Variants in NDUFA5 observed in about 807,000 individuals in gnomAD.
NDUFA5 encodes the protein NADH:ubiquinone oxidoreductase subunit A5.
Under a neutral mutation model 19.8 loss-of-function variants are expected in NDUFA5, and 11 were observed. The observed-to-expected ratio is 0.56, with a 90% CI of 0.35 to 0.92. The LOEUF (loss-of-function observed/expected upper bound fraction) is 0.92. NDUFA5 is among the 40% of genes least tolerant of loss of function. The probability of loss-of-function intolerance (pLI) is 0.01; values close to 1 mark genes in which losing one functional copy is unlikely to be tolerated. For synonymous variants in NDUFA5, 47 were observed against 46.8 expected (o/e 1.00, Z -0.01); for missense variants, 109 against 134.2 (o/e 0.81, Z 0.93).
At chr7:123,587,472 A>G in the NDUFA5 span, among the ~76,000 whole-genome samples, 1 of 150,886 alleles carries the variant, frequency 6.6e-6, no homozygotes, top group African/African-American at 2.4e-5. Context: ...TTTTTTATAC[A>G]TGGTATTATG....
the NDUFA5 span, among the ~76,000 whole-genome samples, chr7:123,586,369 T>C: frequency 6.6e-6 from 1 of 151,882 alleles, no homozygotes; most frequent in Non-Finnish European, 1.5e-5. Context: ...GACACTTGTA[T>C]ATCTTCTTTA....
chr7:123,560,957 T>C (rs1469799391), upstream of NDUFA5, among the ~76,000 whole-genome samples: 2 of 152,224 alleles, frequency 1.3e-5, no homozygotes, highest in African/African-American at 4.8e-5. Flanking sequence ...CTATTTACCA[T>C]AGCATCAAAA....
At chr7:123,567,810 C>T in the NDUFA5 span, among the ~76,000 whole-genome samples, 1 of 151,574 alleles carries the variant, frequency 6.6e-6, no homozygotes, top group Non-Finnish European at 1.5e-5. Context: ...CTCTCTCAAC[C>T]TTGGAAAGAA....
the NDUFA5 span, among the ~76,000 whole-genome samples, chr7:123,576,606 G>A: frequency 1.4e-4 from 21 of 152,102 alleles, no homozygotes; most frequent in African/African-American, 4.8e-4. Flanking sequence ...GATTCTCTGT[G>A]TAGCTCCACA....
At chr7:123,601,615 T>A in the NDUFA5 span, among the ~76,000 whole-genome samples, 1 of 152,196 alleles carries the variant, frequency 6.6e-6, no homozygotes. Flanking sequence ...TCCCTGCAGC[T>A]GAATTGGCAG....
At chr7:123,570,435 G>A in the NDUFA5 span, among the ~76,000 whole-genome samples, 1 of 151,944 alleles carries the variant, frequency 6.6e-6, no homozygotes, top group African/African-American at 2.4e-5. Context: ...GAGTGGCAGG[G>A]ACTGTTACTG....
At chr7:123,597,954 G>GTTTA in the NDUFA5 span, among the ~76,000 whole-genome samples, 1 of 151,484 alleles carries the variant, frequency 6.6e-6, no homozygotes, top group Non-Finnish European at 1.5e-5. Context: ...GTGTGTGTGT[G>GTTTA]TGTGTGTCTT....
the NDUFA5 span, among the ~76,000 whole-genome samples, chr7:123,573,479 G>A: frequency 5.3e-5 from 8 of 151,894 alleles, no homozygotes; most frequent in South Asian, 2.1e-4. Flanking sequence ...AAGATACCAC[G>A]GTTCTAGTCC....
upstream of NDUFA5, among the ~76,000 whole-genome samples, chr7:123,560,171 G>T (rs950673577): frequency 6.6e-6 from 1 of 152,084 alleles, no homozygotes. Context: ...GCTGGGAAAA[G>T]AAGAGAAATT....
chr7:123,557,317 T>C lies in NDUFA5; in HGVS notation c.66+87A>G, dbSNP rs571463200. ...TGTAATTAAGGGCTTGAAACATCTG[T>C]ATCCCGTTAACCCTGCAATAAGCAA... On this transcript the variant is annotated intron_variant, in intron 2 of 4. Coordinates refer to ENST00000355749, the MANE Select transcript of NDUFA5 (RefSeq NM_005000.5). 19 of 1,577,048 alleles carry C rather than the reference T, an allele frequency of 1.2e-5. No individual in the cohort carries two copies. In the South Asian group the frequency reaches 2.0e-4, roughly 17 times the overall value.
chr7:123,571,297 C>T, the NDUFA5 span, among the ~76,000 whole-genome samples: 8 of 152,246 alleles, frequency 5.3e-5, no homozygotes, highest in Non-Finnish European at 8.8e-5. Context: ...TCTTCATTTT[C>T]GTTGTACTGT....
At chr7:123,583,133 C>T in the NDUFA5 span, among the ~76,000 whole-genome samples, 5 of 151,758 alleles carry the variant, frequency 3.3e-5, no homozygotes, top group African/African-American at 1.2e-4. Context: ...GGCTCACTCC[C>T]GTAATACAAG....
chr7:123,570,154 C>T, the NDUFA5 span, among the ~76,000 whole-genome samples: 1 of 151,356 alleles, frequency 6.6e-6, no homozygotes, highest in Non-Finnish European at 1.5e-5. Context: ...CCTGCCTCAG[C>T]CTCCCAAGTA....
At chr7:123,569,588 C>G in the NDUFA5 span, among the ~76,000 whole-genome samples, 1 of 152,078 alleles carries the variant, frequency 6.6e-6, no homozygotes, top group East Asian at 1.9e-4. Context: ...CTGTCAGCCC[C>G]TAGGGGAAGG....
intron 2 of NDUFA5, chr7:123,555,694 C>T (rs898176385): frequency 6.6e-6 from 1 of 152,212 alleles, no homozygotes; most frequent in African/African-American, 2.4e-5. Context: ...TTACTGAGCA[C>T]ATACTATGTG....
chr7:123,557,460 C>T lies in NDUFA5; in HGVS notation c.22-12G>A, dbSNP rs1339170367. On this transcript the variant is annotated splice_polypyrimidine_tract_variant and intron_variant, in intron 1 of 4. Coordinates refer to ENST00000355749, the MANE Select transcript of NDUFA5 (RefSeq NM_005000.5). The stretch of plus-strand genomic sequence containing the variant: ...ACAAGGCCAGTGGTCTGTTCAAAAA[C>T]AAAACACGATTCATGCTGTTTACTA... 1.2e-6 allele frequency: 2 copies of T among 1,612,266 alleles called. No homozygotes were observed. Among genetic ancestry groups the T allele is most frequent in the South Asian group, 1.1e-5 (1 of 90,862 alleles).
Position 123,556,602 on chromosome 7 carries a change from T to TGGGG in NDUFA5, c.66+801_66+802insCCCC, listed in dbSNP as rs1798552566. On this transcript the variant is annotated intron_variant, in intron 2 of 4. Coordinates refer to ENST00000355749, the MANE Select transcript of NDUFA5 (RefSeq NM_005000.5). ...AGCGCATGATGGAAAAAGTGTCAAA[T>TGGGG]GTGTCAAAAAAAAAAAAACGCTGCT... The TGGGG allele has an allele frequency of 1.3e-4, 33 of 245,350 alleles. No homozygotes were observed. The South Asian group carries it at 1.4e-3, about 10-fold the overall frequency. The allele number at this position is 245,350 out of a possible 1,614,324, so 15.2% of individuals were successfully genotyped here. A position where few individuals can be genotyped will look rare whatever the true frequency, so the allele number is the denominator to read the frequency against.
intron 3 of NDUFA5, 42 bp from the exon 4 acceptor site, chr7:123,545,718 CTGAA>C (rs748808621): frequency 1.6e-5 from 22 of 1,344,360 alleles, no homozygotes; most frequent in Non-Finnish European, 2.2e-5. Context: ...AGCATACTAA[CTGAA>C]TGTTTCAATA....
At chr7:123,572,190 G>A in the NDUFA5 span, among the ~76,000 whole-genome samples, 2 of 133,264 alleles carry the variant, frequency 1.5e-5, no homozygotes, top group African/African-American at 5.8e-5. Context: ...TCACTAGGCT[G>A]GAGTGCAGTG....
Sources: allele counts gnomAD v4.1 joint callset (sites outside exome capture counted in the v4.1 genomes callset), GRCh38; gene constraint gnomAD v4.1.1; transcripts MANE v1.5; gene names NCBI Gene and HGNC (gene_info 2026-07-23, HGNC 2026-07-21).